The following CAPZB variants were observed in gnomAD, a reference collection of about 807,000 sequenced individuals.
CAPZB encodes the protein F-actin-capping protein subunit beta.
A neutral mutation model predicts 38.1 loss-of-function variants in CAPZB; 2 were observed. The observed-to-expected ratio is 0.05, with a 90% CI of 0.02 to 0.17. The LOEUF is 0.17. CAPZB is among the 10% of genes least tolerant of loss of function. The probability of loss-of-function intolerance (pLI) is 1.00; values close to 1 mark genes in which losing one functional copy is unlikely to be tolerated. For synonymous variants in CAPZB, 107 were observed against 127.4 expected, an observed-to-expected ratio of 0.84 and a Z score of 1.08; for missense variants, 161 against 334.2, an observed-to-expected ratio of 0.48 and a Z score of 4.04.
chr1:19,478,370 G>A lies in CAPZB; in HGVS notation c.3+7066C>T, dbSNP rs538403947. Among the ~76,000 whole-genome samples the A allele has an allele frequency of 5.9e-5, 9 of 152,292 alleles. No individual in the cohort carries two copies. The South Asian group carries it at 1.9e-3, about 32-fold the overall frequency. On this transcript the variant is annotated intron_variant, in intron 1 of 8. Coordinates refer to ENST00000264202, the MANE Select transcript of CAPZB (RefSeq NM_004930.5). ...CTCCTACTGCACTTACAACGTGCCA[G>A]GCATCGTCTACACTTTCCACACATA...
intron 1 of CAPZB, among the ~76,000 whole-genome samples, chr1:19,435,775 C>A (rs566352639): frequency 6.6e-6 from 1 of 152,210 alleles, no homozygotes; most frequent in African/African-American, 2.4e-5. Flanking sequence ...GACCCCAGAA[C>A]CTGTGTGCCT....
chr1:19,414,638 A>G (rs2094371470), intron 2 of CAPZB, among the ~76,000 whole-genome samples: 1 of 152,208 alleles, frequency 6.6e-6, no homozygotes, highest in South Asian at 2.1e-4. Flanking sequence ...CAAAGGATGG[A>G]AGGCCTGCTG....
chr1:19,481,130 T>C (rs1194924436), intron 1 of CAPZB, among the ~76,000 whole-genome samples: 2 of 152,206 alleles, frequency 1.3e-5, no homozygotes, highest in African/African-American at 2.4e-5. Flanking sequence ...CAGCCTAAAG[T>C]TGAACCTACC....
intron 1 of CAPZB, among the ~76,000 whole-genome samples, chr1:19,472,599 C>T (rs2094592894): frequency 6.6e-6 from 1 of 151,972 alleles, no homozygotes; most frequent in African/African-American, 2.4e-5. Flanking sequence ...TATGCAGTAC[C>T]CAAGGACTCA....
At chr1:19,483,019 G>C (rs2094635493) in intron 1 of CAPZB, among the ~76,000 whole-genome samples, 1 of 152,200 alleles carries the variant, frequency 6.6e-6, no homozygotes, top group African/African-American at 2.4e-5. Context: ...AACATTCCAA[G>C]TGGTTTCTTC....
chr1:19,468,098 G>A (rs891679341), intron 1 of CAPZB, among the ~76,000 whole-genome samples: 1 of 152,100 alleles, frequency 6.6e-6, no homozygotes, highest in Admixed American at 6.5e-5. Context: ...GTGAGACCCC[G>A]CCTCCTAAAA....
intron 1 of CAPZB, among the ~76,000 whole-genome samples, chr1:19,434,428 A>C (rs909046672): frequency 2.0e-5 from 3 of 152,030 alleles, no homozygotes; most frequent in Non-Finnish European, 4.4e-5. Flanking sequence ...TAAAAAAAAA[A>C]CAAAAACAGG....
intron 1 of CAPZB, among the ~76,000 whole-genome samples, chr1:19,434,402 C>T (rs1275131760): frequency 6.6e-6 from 1 of 151,566 alleles, no homozygotes; most frequent in African/African-American, 2.4e-5. Context: ...CCTAAAACAA[C>T]AAATATTCAA....
chr1:19,392,501 C>G (rs542392013), intron 2 of CAPZB, among the ~76,000 whole-genome samples: 314 of 147,332 alleles, frequency 2.1e-3, no homozygotes, highest in African/African-American at 6.5e-3. Context: ...TGAGGGCAGG[C>G]CCTGGCACAC....
At chr1:19,344,524 G>T in intron 7 of CAPZB, 90 bp from the exon 8 acceptor site, 1 of 1,019,142 alleles carries the variant, frequency 9.8e-7, no homozygotes, top group Non-Finnish European at 1.6e-6. Context: ...GCAGTCCCCA[G>T]TGTGGCCACT....
chr1:19,445,994 C>T (rs2094494614), intron 1 of CAPZB, among the ~76,000 whole-genome samples: 1 of 152,218 alleles, frequency 6.6e-6, no homozygotes, highest in South Asian at 2.1e-4. Context: ...GTAGCAGGAA[C>T]AGAGGAAGCT....
chr1:19,484,603 C>T (rs2094644132), intron 1 of CAPZB: 15 of 1,207,518 alleles, frequency 1.2e-5, no homozygotes, highest in African/African-American at 1.6e-5. Context: ...CACCCCATCC[C>T]TGATGGAGAG....
intron 2 of CAPZB, among the ~76,000 whole-genome samples, chr1:19,391,809 T>C (rs1209705806): frequency 1.3e-5 from 2 of 152,146 alleles, no homozygotes; most frequent in Non-Finnish European, 2.9e-5. Flanking sequence ...CCGTGTCAGG[T>C]GCAAGGGCTC....
In CAPZB at chr1:19,356,680, T is replaced by C; in HGVS notation, c.543A>G (p.Lys181=). Residue 181 remains lysine (K), a synonymous_variant, in exon 6 of 9, where the codon AAA becomes AAG. Transcript: ENST00000264202. The surrounding 1 kb of genome is among the most constrained non-coding windows in gnomAD (Gnocchi z 4.3). ...STVMLWLQTN[K]SGSGTMNLGG... is the part of the protein sequence containing the mutation. ...CGAGGTTCATGGTGCCAGAGCCAGATTTGTTGGTCTGCAGCCACAGCATCA... is the reference window on the plus strand; with the variant it reads ...CGAGGTTCATGGTGCCAGAGCCAGACTTGTTGGTCTGCAGCCACAGCATCA... The C allele has an allele frequency of 1.9e-6, 3 of 1,614,038 alleles. No individual in the cohort carries two copies. The highest frequency in any genetic ancestry group is 2.5e-6 in the Non-Finnish European group (3 of 1,179,960).
intron 1 of CAPZB, among the ~76,000 whole-genome samples, chr1:19,422,124 A>G (rs781629481): frequency 6.6e-6 from 1 of 152,162 alleles, no homozygotes; most frequent in African/African-American, 2.4e-5. Context: ...GTATTTCTCA[A>G]CTAGGGATGA....
intron 2 of CAPZB, among the ~76,000 whole-genome samples, chr1:19,395,694 ATTTCCTG>A: frequency 6.6e-6 from 1 of 152,280 alleles, no homozygotes; most frequent in South Asian, 2.1e-4. Flanking sequence ...TAAATGAACC[ATTTCCTG>A]GCCAGGCACA....
intron 6 of CAPZB, among the ~76,000 whole-genome samples, chr1:19,348,318 C>T (rs755442892): frequency 2.5e-4 from 38 of 151,784 alleles, no homozygotes; most frequent in Admixed American, 4.6e-4. Flanking sequence ...GTTGCCCAGG[C>T]TAGACAGGAA....
intron 4 of CAPZB, among the ~76,000 whole-genome samples, chr1:19,368,087 A>G (rs74056823): frequency 0.018 from 2,671 of 152,244 alleles, 88 homozygotes; most frequent in African/African-American, 0.061. Flanking sequence ...GGGGCTTTGC[A>G]TATCTTTTTT....
chr1:19,409,190 T>C (rs542642297), intron 2 of CAPZB, among the ~76,000 whole-genome samples: 4 of 152,210 alleles, frequency 2.6e-5, no homozygotes, highest in South Asian at 2.1e-4. Context: ...TATGCCAACA[T>C]GGGTGATGAT....
Sources: allele counts gnomAD v4.1 joint callset (sites outside exome capture counted in the v4.1 genomes callset), GRCh38; gene constraint gnomAD v4.1.1; non-coding constraint Gnocchi (gnomAD v3.1); transcripts MANE v1.5; gene names NCBI Gene and HGNC (gene_info 2026-07-23, HGNC 2026-07-21).